DENND6B: variants seen among roughly 807,000 people sequenced by gnomAD.
DENND6B encodes the protein protein DENND6B.
DENND6B carries 73 observed loss-of-function variants against 85.1 expected under a neutral mutation model. That is an observed-to-expected ratio of 0.86 (90% CI 0.71 to 1.04). The LOEUF (loss-of-function observed/expected upper bound fraction) is 1.04, where lower values mean the gene tolerates loss of function less well. DENND6B is among the 50% of genes least tolerant of loss of function. The probability of loss-of-function intolerance (pLI) is 0.00; values close to 1 mark genes in which losing one functional copy is unlikely to be tolerated. For missense variants in DENND6B, 715 were observed against 785.8 expected (o/e 0.91, Z 1.08); for synonymous variants, 357 against 329.3 (o/e 1.08, Z -0.91).
In DENND6B at chr22:50,315,225, G is replaced by A. The variant is rs2041766475; in HGVS notation, c.759-304C>T. The A allele has an allele frequency of 8.0e-5, 34 of 426,710 alleles. 1 individual carries two copies. The highest frequency in any genetic ancestry group is 7.1e-4 in the Middle Eastern group (1 of 1,402). 26.4% of individuals were successfully genotyped at this position (426,710 alleles called of 1,614,324 possible). The stretch of plus-strand genomic sequence containing the variant: ...GCAGGGTCTGCTGACCTGGGCTGGG[G>A]GGTACCCGCCCAGACCCCTCCCGTC... On this transcript the variant is annotated intron_variant, in intron 9 of 19. Transcript: ENST00000413817.
At chr22:50,315,605 G>T in intron 9 of DENND6B, 109 bp downstream of exon 9, 1 of 1,301,690 alleles carries the variant, frequency 7.7e-7, no homozygotes. Flanking sequence ...CACTCACGCA[G>T]ACACACACGC....
rs80243206 is a variant in DENND6B at position 50,316,016 on chromosome 22, A to G, written c.702+9T>C. On this transcript the variant is annotated intron_variant, in intron 8 of 19. Coordinates refer to ENST00000413817, the MANE Select transcript of DENND6B (RefSeq NM_001001794.4). The stretch of plus-strand genomic sequence containing the variant: ...GCTGTTTCAGCTCCACCTCCGCCTC[A>G]GCTCCCACCTCTTGGTCAAACTGCT... 1.9e-6 allele frequency: 3 copies of G among 1,612,558 alleles called. No homozygotes were observed. The South Asian group carries it at 3.3e-5, about 18-fold the overall frequency.
At chr22:50,315,033 C>T (rs999572392) in intron 9 of DENND6B, 112 bp from the exon 10 acceptor site, 20 of 1,453,442 alleles carry the variant, frequency 1.4e-5, no homozygotes, top group East Asian at 9.4e-5. Context: ...GAACACAGCA[C>T]GCTGCTCCAG....
chr22:50,319,171 C>T (rs1012421489), intron 1 of DENND6B, 168 bp from the exon 2 acceptor site: 139 of 1,523,450 alleles, frequency 9.1e-5, no homozygotes, highest in Middle Eastern at 8.7e-4. Flanking sequence ...TCCAACAGCA[C>T]GCTGCATCCT....
intron 1 of DENND6B, among the ~76,000 whole-genome samples, chr22:50,322,516 A>G (rs927343816): frequency 3.9e-5 from 6 of 152,136 alleles, no homozygotes; most frequent in African/African-American, 1.4e-4. Context: ...TGGGATGTTG[A>G]GAGGTAAATT....
chr22:50,321,922 C>T (rs1427660380), intron 1 of DENND6B, among the ~76,000 whole-genome samples: 1 of 151,972 alleles, frequency 6.6e-6, no homozygotes, highest in East Asian at 1.9e-4. Flanking sequence ...CTATGCTGCC[C>T]AAGCTGGTCT....
chr22:50,324,586 G>A (rs924825048), intron 1 of DENND6B, among the ~76,000 whole-genome samples: 7 of 152,038 alleles, frequency 4.6e-5, no homozygotes, highest in East Asian at 3.9e-4. Flanking sequence ...CACCACGCCC[G>A]GCTAATTTTG....
chr22:50,325,334 C>T (rs1043664631), intron 1 of DENND6B, among the ~76,000 whole-genome samples: 12 of 123,724 alleles, frequency 9.7e-5, no homozygotes, highest in Non-Finnish European at 1.5e-4. Context: ...GAGGAACCTC[C>T]TTTTTTTTTT....
At chr22:50,313,264 C>T (rs1265261572) in intron 16 of DENND6B, among the ~76,000 whole-genome samples, 156 bp from the exon 17 acceptor site, 1 of 152,046 alleles carries the variant, frequency 6.6e-6, no homozygotes, top group Non-Finnish European at 1.5e-5. Context: ...GGAGCAGGCC[C>T]TGAGCCCCTC....
chr22:50,316,625 G>A (rs190608174), intron 5 of DENND6B, 150 bp from the exon 6 acceptor site: 12 of 1,532,024 alleles, frequency 7.8e-6, no homozygotes, highest in East Asian at 7.4e-5. Flanking sequence ...CCCCAGGAAC[G>A]CCTGACTTGG....
Position 50,313,615 on chromosome 22 carries a change from CCCCCAG to C in DENND6B, c.1293+14_1293+19del, listed in dbSNP as rs1569196569. 1 of 1,537,120 alleles carries C rather than the reference CCCCCAG, an allele frequency of 6.5e-7. No individual in the cohort carries two copies. Among genetic ancestry groups the C allele is most frequent in the Non-Finnish European group, 8.8e-7 (1 of 1,142,802 alleles). ...AGCCCCGTGCCCCCCAGTCCCATGT[CCCCCAG>C]CCCCGGGCCTCACCAGGGGGATGAT... is the stretch of plus-strand genomic sequence containing the variant. On this transcript the variant is annotated intron_variant, in intron 15 of 19. Coordinates refer to ENST00000413817, the MANE Select transcript of DENND6B (RefSeq NM_001001794.4).
rs1372321714 is a variant in DENND6B, at chr22:50,312,714, C to T, written c.1458-89G>A. The T allele has an allele frequency of 1.3e-3, 610 of 468,248 alleles. 5 individuals are homozygous for T. The African/African-American group carries it at 0.023, about 18-fold the overall frequency. The allele number at this position is 468,248 out of a possible 1,614,324, so 29.0% of individuals were successfully genotyped here. A position where few individuals can be genotyped will look rare whatever the true frequency, so the allele number is the denominator to read the frequency against. On this transcript the variant is annotated intron_variant, in intron 17 of 19. Transcript: ENST00000413817. ...GGGGCTGACCCTGGGGATTGACAGGCGGGGGGCCATGGGGCTGACCCTGGG... is the reference window on the plus strand; with the variant it reads ...GGGGCTGACCCTGGGGATTGACAGGTGGGGGGCCATGGGGCTGACCCTGGG...
At chr22:50,325,334 C>CTTTTT (rs67536916) in intron 1 of DENND6B, among the ~76,000 whole-genome samples, 2 of 123,722 alleles carry the variant, frequency 1.6e-5, no homozygotes, top group Non-Finnish European at 3.3e-5. Context: ...GAGGAACCTC[C>CTTTTT]TTTTTTTTTT....
rs749142263 is a variant in DENND6B, at chr22:50,314,247, C to T, written c.1098G>A (p.Leu366=). Residue 366 remains leucine (L), a synonymous_variant, in exon 13 of 20, where the codon CTG becomes CTA. Transcript: ENST00000413817. Reference sequence around the variant, plus strand: ...GGGTCTTCAACCTTGAAGGCTTTTTCAGCTTGACTTGCTTAGGCAGGTCTC... The same window carrying T: ...GGGTCTTCAACCTTGAAGGCTTTTTTAGCTTGACTTGCTTAGGCAGGTCTC... The part of the protein sequence containing the change: ...MSGDLPKQVK[L]KKPSRLKTLD... 1 of 1,609,656 alleles carries T rather than the reference C, an allele frequency of 6.2e-7. No homozygotes were observed. The highest frequency in any genetic ancestry group is 1.1e-5 in the South Asian group (1 of 91,006).
At position 50,311,857 on chromosome 22, in the gene DENND6B, C is replaced by A; in HGVS notation, c.*282G>T. ...ACGCACCCACATCAGCAAGGGCTCCCAGCCTGTCCCCGCCCCCGTCCCAGC... is the reference window on the plus strand; with the variant it reads ...ACGCACCCACATCAGCAAGGGCTCCAAGCCTGTCCCCGCCCCCGTCCCAGC... On this transcript the variant is annotated 3_prime_UTR_variant, in exon 20 of 20. Transcript: ENST00000413817. 1 of 482,098 alleles carries A rather than the reference C, an allele frequency of 2.1e-6. No individual in the cohort carries two copies. The highest frequency in any genetic ancestry group is 4.0e-5 in the East Asian group (1 of 24,758). 29.9% of individuals were successfully genotyped at this position (482,098 alleles called of 1,614,324 possible). A position where few individuals can be genotyped will look rare whatever the true frequency, so the allele number is the denominator to read the frequency against.
At chr22:50,325,327 G>A (rs2042160113) in intron 1 of DENND6B, among the ~76,000 whole-genome samples, 1 of 149,494 alleles carries the variant, frequency 6.7e-6, no homozygotes, top group Non-Finnish European at 1.5e-5. Context: ...AGGAACAGAG[G>A]AACCTCCTTT....
At chr22:50,324,912 A>G (rs987690891) in intron 1 of DENND6B, among the ~76,000 whole-genome samples, 5 of 152,184 alleles carry the variant, frequency 3.3e-5, no homozygotes, top group South Asian at 2.1e-4. Flanking sequence ...TCTTCCTTCC[A>G]TATCGCAGAA....
At chr22:50,319,273 C>G in intron 1 of DENND6B, 2 of 985,420 alleles carry the variant, frequency 2.0e-6, no homozygotes, top group Non-Finnish European at 2.4e-6. Context: ...TGCTGACCCG[C>G]TCCTATCTCT....
chr22:50,313,405 C>T (rs758372572), intron 16 of DENND6B, 41 bp downstream of exon 16: 47 of 1,532,456 alleles, frequency 3.1e-5, no homozygotes, highest in Middle Eastern at 1.7e-4. Context: ...GAAGGGAACC[C>T]GCCCTCCATG....
Sources: gnomAD v4.1 joint callset for allele counts (sites outside exome capture counted in the v4.1 genomes callset) on GRCh38, gnomAD v4.1.1 for gene constraint, MANE v1.5 for transcripts, NCBI Gene and HGNC (gene_info 2026-07-23, HGNC 2026-07-21) for gene names.